ST6GALNAC3: variants seen among roughly 807,000 people sequenced by gnomAD.
ST6GALNAC3 encodes the protein ST6 N-acetylgalactosaminide alpha-2,6-sialyltransferase 3, also known as alpha-N-acetylgalactosaminide alpha-2,6-sialyltransferase 3.
In ST6GALNAC3, 25 loss-of-function variants were observed where a neutral mutation model predicts 32.7. That is an observed-to-expected ratio of 0.76 (90% CI 0.56 to 1.07). The LOEUF (loss-of-function observed/expected upper bound fraction) is 1.07, where lower values mean the gene tolerates loss of function less well. Among genes scored for constraint, ST6GALNAC3 ranks in the 50% least tolerant of loss-of-function variants. ST6GALNAC3 has a pLI of 0.00. For synonymous variants in ST6GALNAC3, 129 were observed against 133.1 expected (o/e 0.97, Z 0.21); for missense variants, 355 against 382.4 (o/e 0.93, Z 0.60).
At chr1:76,483,195 GTGTC>G (rs1431716461) in intron 3 of ST6GALNAC3, among the ~76,000 whole-genome samples, 3 of 152,152 alleles carry the variant, frequency 2.0e-5, no homozygotes, top group African/African-American at 7.2e-5. Context: ...ACGTGTGCAT[GTGTC>G]TTTATAGCAG....
intron 1 of ST6GALNAC3, among the ~76,000 whole-genome samples, chr1:76,256,695 G>T (rs188540924): frequency 7.9e-5 from 12 of 151,950 alleles, no homozygotes; most frequent in Admixed American, 6.6e-4. Context: ...TCAAGGAAGT[G>T]GTTTGGAGTA....
At chr1:76,508,068 C>T (rs1274037998) in intron 3 of ST6GALNAC3, among the ~76,000 whole-genome samples, 1 of 152,134 alleles carries the variant, frequency 6.6e-6, no homozygotes, top group African/African-American at 2.4e-5. Flanking sequence ...TGGCTCCTTT[C>T]ACTTCTTTAC....
At chr1:76,472,821 G>T (rs1273104751) in intron 3 of ST6GALNAC3, among the ~76,000 whole-genome samples, 1 of 152,052 alleles carries the variant, frequency 6.6e-6, no homozygotes, top group African/African-American at 2.4e-5. Context: ...AAATTGGAGA[G>T]AAAAACGAGG....
intron 1 of ST6GALNAC3, chr1:76,142,892 T>G (rs1235870811): frequency 4.4e-6 from 2 of 455,482 alleles, no homozygotes; most frequent in Non-Finnish European, 8.8e-6. Context: ...TTGGGTCAAT[T>G]CACATGGAGG....
At chr1:76,187,046 G>A (rs76297923) in intron 1 of ST6GALNAC3, among the ~76,000 whole-genome samples, 6,934 of 152,092 alleles carry the variant, frequency 0.046, 193 homozygotes, top group Non-Finnish European at 0.073. Context: ...AACTCAAAAT[G>A]TGCCATTTCA....
Position 76,633,281 on chromosome 1 carries a change from A to T in ST6GALNAC3, c.*4475A>T, listed in dbSNP as rs148519126. ...GCCTAACTGATTTACTAAAGAGTCTATTCATGGAATCCAAGGGCTCCAAAT... is the reference window on the plus strand; with the variant it reads ...GCCTAACTGATTTACTAAAGAGTCTTTTCATGGAATCCAAGGGCTCCAAAT... On this transcript the variant is annotated 3_prime_UTR_variant, in exon 5 of 5. Transcript: ENST00000328299. 1 of 152,348 alleles carries T rather than the reference A, an allele frequency of 6.6e-6. No homozygotes were observed. The highest frequency in any genetic ancestry group is 2.4e-5 in the African/African-American group (1 of 41,578). 9.4% of individuals were successfully genotyped at this position (152,348 alleles called of 1,614,324 possible).
rs139768241 is a variant in ST6GALNAC3, at chr1:76,169,543, A to G, written c.18+94659A>G. Among the ~76,000 whole-genome samples the G allele has an allele frequency of 2.5e-3, 374 of 152,272 alleles. 3 individuals are homozygous for G. Among genetic ancestry groups the G allele is most frequent in the African/African-American group, 8.7e-3 (361 of 41,540 alleles). On this transcript the variant is annotated intron_variant, in intron 1 of 4. Transcript: ENST00000328299. ...AAGTTCTCATGCATGATGTCCTGAA[A>G]TATGATTTCCAGATTGGTTGCATTT...
chr1:76,529,867 ATGATAG>A (rs1663145764), intron 3 of ST6GALNAC3, among the ~76,000 whole-genome samples: 1 of 152,164 alleles, frequency 6.6e-6, no homozygotes, highest in Non-Finnish European at 1.5e-5. Flanking sequence ...ATTGGGGTGG[ATGATAG>A]TACCTACTTC....
intron 2 of ST6GALNAC3, among the ~76,000 whole-genome samples, chr1:76,361,118 T>C (rs926507006): frequency 1.3e-5 from 2 of 152,190 alleles, no homozygotes; most frequent in African/African-American, 4.8e-5. Flanking sequence ...CATTCTTAAG[T>C]GTACAGTTCA....
intron 2 of ST6GALNAC3, among the ~76,000 whole-genome samples, chr1:76,355,380 T>C (rs950697930): frequency 6.6e-6 from 1 of 152,236 alleles, no homozygotes; most frequent in African/African-American, 2.4e-5. Flanking sequence ...CTTTTTCTGA[T>C]ATACTATCTT....
At chr1:76,516,680 A>G (rs536079840) in intron 3 of ST6GALNAC3, among the ~76,000 whole-genome samples, 1 of 152,128 alleles carries the variant, frequency 6.6e-6, no homozygotes, top group Non-Finnish European at 1.5e-5. Context: ...ATGAGCAAAA[A>G]GTTACTGTCT....
chr1:76,310,790 T>A (rs11807801), intron 1 of ST6GALNAC3, among the ~76,000 whole-genome samples: 64,519 of 152,056 alleles, frequency 0.42, 13,971 homozygotes, highest in Non-Finnish European at 0.44. Context: ...CCCAACTATA[T>A]GAAAGAATAT....
chr1:76,523,930 T>C (rs1662708975), intron 3 of ST6GALNAC3, among the ~76,000 whole-genome samples: 1 of 152,132 alleles, frequency 6.6e-6, no homozygotes, highest in Admixed American at 6.6e-5. Context: ...AGTCTACCCA[T>C]GTCAAGAATC....
At chr1:76,595,332 C>T (rs1647118474) in intron 3 of ST6GALNAC3, among the ~76,000 whole-genome samples, 1 of 152,088 alleles carries the variant, frequency 6.6e-6, no homozygotes, top group South Asian at 2.1e-4. Context: ...GCTAAATTCC[C>T]CTACACTTCC....
At chr1:76,112,360 C>T (rs1187423037) in intron 1 of ST6GALNAC3, among the ~76,000 whole-genome samples, 3 of 142,394 alleles carry the variant, frequency 2.1e-5, no homozygotes, top group Non-Finnish European at 4.6e-5. Flanking sequence ...GGCGGCTGGC[C>T]GGGCGGGGGG....
chr1:76,144,729 T>C (rs1046318616), intron 1 of ST6GALNAC3, among the ~76,000 whole-genome samples: 1 of 152,224 alleles, frequency 6.6e-6, no homozygotes, highest in African/African-American at 2.4e-5. Flanking sequence ...TAGTTCCTGG[T>C]ATCTTCTTTT....
intron 1 of ST6GALNAC3, among the ~76,000 whole-genome samples, chr1:76,096,354 T>A (rs576668145): frequency 2.0e-5 from 3 of 152,302 alleles, no homozygotes; most frequent in Admixed American, 6.5e-5. Context: ...TTAGGCTTCC[T>A]GTCTTTTCAG....
At chr1:76,407,843 C>T (rs1372948646) in intron 2 of ST6GALNAC3, among the ~76,000 whole-genome samples, 1 of 151,996 alleles carries the variant, frequency 6.6e-6, no homozygotes. Flanking sequence ...TGAAGCAGAA[C>T]TGAGTGAGTG....
chr1:76,376,079 A>G (rs1571012211), intron 2 of ST6GALNAC3, among the ~76,000 whole-genome samples: 1 of 150,890 alleles, frequency 6.6e-6, no homozygotes, highest in East Asian at 1.9e-4. Flanking sequence ...TTTTTAGTGT[A>G]TATTTCCTCC....
Sources: allele counts gnomAD v4.1 joint callset (sites outside exome capture counted in the v4.1 genomes callset), GRCh38; gene constraint gnomAD v4.1.1; transcripts MANE v1.5; gene names NCBI Gene and HGNC (gene_info 2026-07-23, HGNC 2026-07-21).